The following ACBD6 variants were observed in gnomAD, a reference collection of about 807,000 sequenced individuals.
The protein encoded by ACBD6 is acyl-CoA-binding domain-containing protein 6.
ACBD6 carries 28 observed loss-of-function variants against 37.2 expected under a neutral mutation model. The observed-to-expected ratio is 0.75, with a 90% CI of 0.56 to 1.03. ACBD6 has a LOEUF of 1.03. Among genes scored for constraint, ACBD6 ranks in the 50% least tolerant of loss-of-function variants. The pLI, the probability that ACBD6 is intolerant of heterozygous loss-of-function variation, is 0.00. For synonymous variants in ACBD6, 113 were observed against 126.8 expected (o/e 0.89, Z 0.73); for missense variants, 340 against 337.4 (o/e 1.01, Z -0.06).
intron 6 of ACBD6, among the ~76,000 whole-genome samples, chr1:180,372,465 T>A (rs1653297421): frequency 6.6e-6 from 1 of 152,184 alleles, no homozygotes. Flanking sequence ...ATGAAATTAA[T>A]GTTACATGGT....
At chr1:180,493,279 C>CAA (rs1349227168) in intron 2 of ACBD6, among the ~76,000 whole-genome samples, 1 of 76,994 alleles carries the variant, frequency 1.3e-5, no homozygotes, top group East Asian at 5.0e-4. Flanking sequence ...AAAAAAAAAA[C>CAA]AACAACAGCA....
intron 3 of ACBD6, among the ~76,000 whole-genome samples, chr1:180,468,587 ATCTTTC>A (rs1345375897): frequency 6.6e-6 from 1 of 152,196 alleles, no homozygotes; most frequent in Non-Finnish European, 1.5e-5. Context: ...GAGGTTGAAC[ATCTTTC>A]TCTGTTTATT....
At chr1:180,388,995 T>C (rs1310424774) in intron 6 of ACBD6, among the ~76,000 whole-genome samples, 2 of 151,352 alleles carry the variant, frequency 1.3e-5, no homozygotes, top group Admixed American at 1.3e-4. Flanking sequence ...GATCTATAGA[T>C]TCAATGCAAT....
At chr1:180,498,775 T>C (rs1425352986) in intron 1 of ACBD6, among the ~76,000 whole-genome samples, 1 of 151,924 alleles carries the variant, frequency 6.6e-6, no homozygotes, top group Non-Finnish European at 1.5e-5. Flanking sequence ...AGAGAATAGC[T>C]TGAACCTAGG....
intron 4 of ACBD6, among the ~76,000 whole-genome samples, chr1:180,419,342 AT>A (rs1169124355): frequency 3.3e-5 from 5 of 152,174 alleles, no homozygotes; most frequent in Admixed American, 1.3e-4. Flanking sequence ...CTAAATGCAA[AT>A]TTTTTTCATG....
At position 180,430,176 on chromosome 1, in the gene ACBD6, T is replaced by C; in HGVS notation, c.467+4A>G. On this transcript the variant is annotated splice_donor_region_variant and intron_variant, in intron 4 of 7. Transcript: ENST00000367595. ...CTATTATCAAAGATCAGAAGAGAAA[T>C]TACCTGATGGTTTCTTCATGATATA... is the stretch of plus-strand genomic sequence containing the variant. The C allele has an allele frequency of 3.7e-6, 6 of 1,611,132 alleles. No homozygotes were observed. The highest frequency in any genetic ancestry group is 2.2e-5 in the East Asian group (1 of 44,798).
At chr1:180,342,849 G>A (rs915732081) in intron 6 of ACBD6, among the ~76,000 whole-genome samples, 2 of 152,022 alleles carry the variant, frequency 1.3e-5, no homozygotes, top group African/African-American at 4.8e-5. Flanking sequence ...ATGAATAAGT[G>A]AAAGCTTTTA....
At chr1:180,350,723 A>G (rs1652377809) in intron 6 of ACBD6, among the ~76,000 whole-genome samples, 2 of 152,208 alleles carry the variant, frequency 1.3e-5, no homozygotes, top group African/African-American at 4.8e-5. Flanking sequence ...AAGATAGGCC[A>G]CAATTCATAA....
chr1:180,445,559 A>C (rs572093762), intron 3 of ACBD6, among the ~76,000 whole-genome samples: 5 of 152,222 alleles, frequency 3.3e-5, no homozygotes, highest in Admixed American at 6.5e-5. Flanking sequence ...TCAGAAAGAA[A>C]AACTAGCCAA....
chr1:180,502,072 G>A lies in ACBD6; in HGVS notation c.195C>T (p.Leu65=), dbSNP rs201265065. Residue 65 remains leucine (L), a synonymous_variant, in exon 1 of 8, where the codon CTC becomes CTT. Coordinates refer to ENST00000367595, the MANE Select transcript of ACBD6 (RefSeq NM_032360.4). ...GTTTGTACCTGGCATACAGGTACAA[G>A]AGCTGCTCCCTGCTGGCCACCTGAA... is the stretch of plus-strand genomic sequence containing the variant. The part of the protein sequence containing the change: ...GLIQVASREQ[L]LYLYARYKQV... 2.5e-6 allele frequency: 4 copies of A among 1,613,830 alleles called. No individual in the cohort carries two copies. In the East Asian group the frequency reaches 8.9e-5, roughly 36 times the overall value.
intron 7 of ACBD6, among the ~76,000 whole-genome samples, chr1:180,302,145 C>T (rs1369487688): frequency 6.6e-6 from 1 of 151,820 alleles, no homozygotes; most frequent in African/African-American, 2.4e-5. Flanking sequence ...TGTAACAAAC[C>T]TGCATGTTGT....
At chr1:180,296,663 T>C (rs1649930653) in intron 7 of ACBD6, among the ~76,000 whole-genome samples, 1 of 151,024 alleles carries the variant, frequency 6.6e-6, no homozygotes, top group African/African-American at 2.4e-5. Context: ...AATCTTGACC[T>C]CAAGTGACCC....
intron 3 of ACBD6, among the ~76,000 whole-genome samples, chr1:180,437,517 ACAGTTT>A (rs1649093515): frequency 6.6e-6 from 1 of 152,220 alleles, no homozygotes; most frequent in Non-Finnish European, 1.5e-5. Context: ...GAGGAAAAAC[ACAGTTT>A]GAAAGTTTTT....
At chr1:180,449,087 T>A (rs888178468) in intron 3 of ACBD6, among the ~76,000 whole-genome samples, 1 of 152,156 alleles carries the variant, frequency 6.6e-6, no homozygotes, top group Non-Finnish European at 1.5e-5. Flanking sequence ...AGTTGGTATG[T>A]TTCCATTCCA....
intron 6 of ACBD6, among the ~76,000 whole-genome samples, chr1:180,359,524 TG>T (rs762631583): frequency 1.7e-4 from 26 of 152,190 alleles, no homozygotes; most frequent in Non-Finnish European, 3.5e-4. Context: ...GAAAAGGATT[TG>T]TTAGGATGGA....
intron 7 of ACBD6, among the ~76,000 whole-genome samples, chr1:180,303,352 C>T (rs1650213608): frequency 6.6e-6 from 1 of 150,870 alleles, no homozygotes; most frequent in South Asian, 2.1e-4. Context: ...AATTGATAGA[C>T]TGCTAGCAAG....
chr1:180,293,431 C>T (rs554906112), intron 7 of ACBD6, among the ~76,000 whole-genome samples: 7 of 152,114 alleles, frequency 4.6e-5, no homozygotes, highest in African/African-American at 1.7e-4. Flanking sequence ...CCTCAGCCTC[C>T]TGAGTAGCTG....
Position 180,435,519 on chromosome 1 carries a change from G to C in ACBD6, c.385-5257C>G, listed in dbSNP as rs1648998587. ...GCCCGCCTTGGCCTCCCAAAGTGCT[G>C]GGATTACAGGCATGAGCGACCATGC... On this transcript the variant is annotated intron_variant, in intron 3 of 7. Coordinates refer to ENST00000367595, the MANE Select transcript of ACBD6 (RefSeq NM_032360.4). The C allele has an allele frequency of 7.4e-6, 5 of 678,118 alleles. No homozygotes were observed. In the South Asian group the frequency reaches 9.0e-5, roughly 12 times the overall value. 42.0% of individuals were successfully genotyped at this position (678,118 alleles called of 1,614,324 possible).
At chr1:180,311,997 C>T (rs898011142) in intron 7 of ACBD6, among the ~76,000 whole-genome samples, 2 of 152,200 alleles carry the variant, frequency 1.3e-5, no homozygotes, top group Non-Finnish European at 2.9e-5. Context: ...TGTAAGATAA[C>T]ATCTTGATAT....
Sources: gnomAD v4.1 joint callset for allele counts (sites outside exome capture counted in the v4.1 genomes callset) on GRCh38, gnomAD v4.1.1 for gene constraint, MANE v1.5 for transcripts, NCBI Gene and HGNC (gene_info 2026-07-23, HGNC 2026-07-21) for gene names.